The following MMP16 variants were observed in gnomAD, a reference collection of about 807,000 sequenced individuals.
MMP16 encodes the protein matrix metallopeptidase 16.
Under a neutral mutation model 67.8 loss-of-function variants are expected in MMP16, and 12 were observed. The observed-to-expected ratio is 0.18, with a 90% CI of 0.11 to 0.29. The LOEUF is 0.29. MMP16 is among the 10% of genes least tolerant of loss of function. MMP16 has a pLI of 1.00. For synonymous variants in MMP16, 249 were observed against 255.9 expected (o/e 0.97, Z 0.26); for missense variants, 475 against 765.7 (o/e 0.62, Z 4.48).
Position 88,037,925 on chromosome 8 carries a change from A to G in MMP16, c.*3536T>C, listed in dbSNP as rs1808076342. 1 of 151,954 alleles carries G rather than the reference A, an allele frequency of 6.6e-6. No homozygotes were observed. Among genetic ancestry groups the G allele is most frequent in the Non-Finnish European group, 1.5e-5 (1 of 67,902 alleles). The allele number at this position is 151,954 out of a possible 1,614,324, so 9.4% of individuals were successfully genotyped here. ...TTTTCATTTCAATTTGGGAAATCCTATGTCTGAGCTTTTCATGTTATTAGT... is the reference window on the plus strand; with the variant it reads ...TTTTCATTTCAATTTGGGAAATCCTGTGTCTGAGCTTTTCATGTTATTAGT... On this transcript the variant is annotated 3_prime_UTR_variant, in exon 10 of 10. Coordinates refer to ENST00000286614, the MANE Select transcript of MMP16 (RefSeq NM_005941.5).
At chr8:88,206,018 A>C (rs1809420132) in intron 1 of MMP16, among the ~76,000 whole-genome samples, 1 of 152,126 alleles carries the variant, frequency 6.6e-6, no homozygotes, top group Admixed American at 6.6e-5. Context: ...CTCCTTTGTC[A>C]AGGAAACAAT....
chr8:88,295,733 C>G (rs1390716022), intron 1 of MMP16, among the ~76,000 whole-genome samples: 3 of 151,988 alleles, frequency 2.0e-5, no homozygotes, highest in African/African-American at 7.3e-5. Flanking sequence ...ATCTGTTTTT[C>G]TAAAACACAT....
chr8:88,257,280 A>G (rs999611611), intron 1 of MMP16, among the ~76,000 whole-genome samples: 2 of 152,248 alleles, frequency 1.3e-5, no homozygotes, highest in African/African-American at 4.8e-5. Flanking sequence ...CTGTGTATAC[A>G]TAATAGTAAA....
intron 4 of MMP16, among the ~76,000 whole-genome samples, chr8:88,146,004 C>T (rs748015695): frequency 3.3e-5 from 5 of 152,068 alleles, no homozygotes; most frequent in Non-Finnish European, 7.4e-5. Flanking sequence ...TTGAGAAATG[C>T]GGTTCTAGAC....
At chr8:88,233,035 A>T (rs1809886313) in intron 1 of MMP16, among the ~76,000 whole-genome samples, 1 of 152,156 alleles carries the variant, frequency 6.6e-6, no homozygotes, top group East Asian at 1.9e-4. Context: ...TGTGACTTTG[A>T]GCAACTTACT....
chr8:88,255,319 T>C lies in MMP16; in HGVS notation c.133-58013A>G, dbSNP rs144868661. Among the ~76,000 whole-genome samples the C allele has an allele frequency of 7.1e-4, 108 of 152,296 alleles. 1 individual carries two copies. The highest frequency in any genetic ancestry group is 2.5e-3 in the African/African-American group (104 of 41,578). Reference sequence around the variant, plus strand: ...CCCCCTTCACCTTTCGCCATGATTGTAAGCTTCCTGAGGCCCTCGCCAGAA... The same window carrying C: ...CCCCCTTCACCTTTCGCCATGATTGCAAGCTTCCTGAGGCCCTCGCCAGAA... On this transcript the variant is annotated intron_variant, in intron 1 of 9. Transcript: ENST00000286614.
Position 88,289,689 on chromosome 8 carries a change from A to AACACAC in MMP16, c.132+37380_132+37385dup, listed in dbSNP as rs4043664. Among the ~76,000 whole-genome samples, 385 of 144,254 alleles carry AACACAC rather than the reference A, an allele frequency of 2.7e-3. 3 individuals are homozygous for AACACAC. Among genetic ancestry groups the AACACAC allele is most frequent in the African/African-American group, 9.2e-3 (359 of 38,916 alleles). The allele number at this position is 144,254 out of a possible 152,430, so 94.6% of individuals were successfully genotyped here. The stretch of plus-strand genomic sequence containing the variant: ...ATACTGAACTGCTACTCCTAGAGGA[A>AACACAC]ACACACACACACACACACACACACA... On this transcript the variant is annotated intron_variant, in intron 1 of 9. Transcript: ENST00000286614.
intron 1 of MMP16, among the ~76,000 whole-genome samples, chr8:88,269,618 TC>T (rs1304293655): frequency 6.6e-6 from 1 of 152,166 alleles, no homozygotes; most frequent in Non-Finnish European, 1.5e-5. Context: ...GAAGACTTCT[TC>T]CATTCAGCCT....
intron 1 of MMP16, among the ~76,000 whole-genome samples, chr8:88,234,578 CT>C (rs1809911982): frequency 6.6e-6 from 1 of 152,154 alleles, no homozygotes; most frequent in African/African-American, 2.4e-5. Flanking sequence ...TGCCTTGACC[CT>C]TCTTTAACTG....
chr8:88,285,131 T>TTTG (rs902991529), intron 1 of MMP16, among the ~76,000 whole-genome samples: 122 of 152,044 alleles, frequency 8.0e-4, no homozygotes, highest in African/African-American at 2.5e-3. Context: ...TTTATTTGTT[T>TTTG]TTGTTGTTGT....
intron 3 of MMP16, among the ~76,000 whole-genome samples, chr8:88,175,090 G>C (rs889139384): frequency 6.6e-6 from 1 of 152,072 alleles, no homozygotes; most frequent in African/African-American, 2.4e-5. Flanking sequence ...TAATTGTCCA[G>C]GAAGCAGCCA....
chr8:88,039,500 G>T lies in MMP16; in HGVS notation c.*1961C>A, dbSNP rs1808102653. The T allele has an allele frequency of 1.3e-5, 2 of 152,558 alleles. No homozygotes were observed. The allele number at this position is 152,558 out of a possible 1,614,324, so 9.5% of individuals were successfully genotyped here. ...ACCAGATTTCCTTCAGTTTGTGCCA[G>T]TTTGCAAGTTAAAGGTCAAAGGGCA... On this transcript the variant is annotated 3_prime_UTR_variant, in exon 10 of 10. Coordinates refer to ENST00000286614, the MANE Select transcript of MMP16 (RefSeq NM_005941.5). This position sits in a 1 kb window ranked among gnomAD's most constrained non-coding sequence, Gnocchi z 4.5.
intron 2 of MMP16, among the ~76,000 whole-genome samples, chr8:88,189,371 A>C (rs1809130445): frequency 6.6e-6 from 1 of 152,056 alleles, no homozygotes; most frequent in Non-Finnish European, 1.5e-5. Context: ...AATTTATCTG[A>C]TGCCTCATCT....
At chr8:88,107,996 G>A (rs1424775009) in intron 6 of MMP16, among the ~76,000 whole-genome samples, 17 of 150,886 alleles carry the variant, frequency 1.1e-4, no homozygotes, top group Admixed American at 4.6e-4. Flanking sequence ...TACTTAATAG[G>A]TGTTATCTAT....
At chr8:88,240,075 T>A (rs138302319) in intron 1 of MMP16, among the ~76,000 whole-genome samples, 1 of 152,126 alleles carries the variant, frequency 6.6e-6, no homozygotes, top group African/African-American at 2.4e-5. Context: ...ACTCACTTAG[T>A]GTTGGGAAGA....
In MMP16 at chr8:88,033,739, T is replaced by C. The variant is rs931430508; in HGVS notation, c.*7722A>G. On this transcript the variant is annotated 3_prime_UTR_variant, in exon 10 of 10. Coordinates refer to ENST00000286614, the MANE Select transcript of MMP16 (RefSeq NM_005941.5). Reference sequence around the variant, plus strand: ...GTCGAGTCTCTAAAACCCCTGAAAATAGAGGTCTGCAATAGAAATGCTGAT... The same window carrying C: ...GTCGAGTCTCTAAAACCCCTGAAAACAGAGGTCTGCAATAGAAATGCTGAT... 2.0e-5 allele frequency: 3 copies of C among 151,914 alleles called. No individual in the cohort carries two copies. The highest frequency in any genetic ancestry group is 2.9e-5 in the Non-Finnish European group (2 of 67,892). The allele number at this position is 151,914 out of a possible 1,614,324, so 9.4% of individuals were successfully genotyped here.
intron 1 of MMP16, among the ~76,000 whole-genome samples, chr8:88,308,878 C>A (rs1325038554): frequency 6.6e-6 from 1 of 151,458 alleles, no homozygotes; most frequent in Non-Finnish European, 1.5e-5. Flanking sequence ...AAAGAGAAGA[C>A]AAAACACAAG....
At chr8:88,132,937 C>G (rs1383777324) in intron 4 of MMP16, among the ~76,000 whole-genome samples, 1 of 151,838 alleles carries the variant, frequency 6.6e-6, no homozygotes, top group Admixed American at 6.6e-5. Flanking sequence ...AGTCTTCCAT[C>G]TAAGTTTTTC....
chr8:88,316,145 A>C (rs1015083344), intron 1 of MMP16, among the ~76,000 whole-genome samples: 2 of 152,202 alleles, frequency 1.3e-5, no homozygotes, highest in African/African-American at 4.8e-5. Flanking sequence ...TTAGGAAAGA[A>C]GCCATGTATG....
Sources: allele counts gnomAD v4.1 joint callset (sites outside exome capture counted in the v4.1 genomes callset), GRCh38; gene constraint gnomAD v4.1.1; non-coding constraint Gnocchi (gnomAD v3.1); transcripts MANE v1.5; gene names NCBI Gene and HGNC (gene_info 2026-07-23, HGNC 2026-07-21).